Variants in LMTK2 observed in about 807,000 individuals in gnomAD.
LMTK2 encodes serine/threonine-protein kinase LMTK2.
A neutral mutation model predicts 127.5 loss-of-function variants in LMTK2; 37 were observed. The ratio of observed to expected loss-of-function variants is 0.29; its 90% CI spans 0.22 to 0.38. The LOEUF is 0.38. Ranked by LOEUF, LMTK2 falls within the 10% of genes least tolerant of loss-of-function variation. LMTK2 has a pLI of 1.00. For synonymous variants in LMTK2, 819 were observed against 810.1 expected, an observed-to-expected ratio of 1.01 and a Z score of -0.19; for missense variants, 1,694 against 1,920.3, an observed-to-expected ratio of 0.88 and a Z score of 2.20.
chr7:98,149,973 A>C (rs117416745), intron 3 of LMTK2, among the ~76,000 whole-genome samples: 1,851 of 152,302 alleles, frequency 0.012, 17 homozygotes, highest in Admixed American at 0.02. Flanking sequence ...AAAGATTTGC[A>C]TAGATATGTC....
At chr7:98,137,283 A>T in intron 1 of LMTK2, 32 bp from the exon 2 acceptor site, 1 of 1,590,024 alleles carries the variant, frequency 6.3e-7, no homozygotes, top group Non-Finnish European at 8.5e-7. Context: ...TGGAATGTAC[A>T]TGTTTTTAAT....
intron 3 of LMTK2, 114 bp downstream of exon 3, chr7:98,141,655 T>G: frequency 5.0e-6 from 5 of 998,958 alleles, no homozygotes; most frequent in Non-Finnish European, 7.6e-6. Flanking sequence ...TTTATTTCTC[T>G]TCCTTCTGCT....
chr7:98,202,025 C>A (rs922249175), intron 11 of LMTK2, among the ~76,000 whole-genome samples: 1 of 152,112 alleles, frequency 6.6e-6, no homozygotes, highest in South Asian at 2.1e-4. Context: ...CTTTTTCTGC[C>A]CCACGCCCTG....
intron 2 of LMTK2, among the ~76,000 whole-genome samples, chr7:98,138,239 A>G (rs961605177): frequency 3.3e-5 from 5 of 152,208 alleles, no homozygotes; most frequent in Non-Finnish European, 5.9e-5. Context: ...TTGACCGCGC[A>G]GGGCTGGCCC....
chr7:98,124,222 C>G (rs904382629), intron 1 of LMTK2, among the ~76,000 whole-genome samples: 1 of 152,196 alleles, frequency 6.6e-6, no homozygotes, highest in African/African-American at 2.4e-5. Context: ...CATCTGCCAG[C>G]AAGTCCTGGC....
At chr7:98,151,494 G>A in intron 4 of LMTK2, 39 bp downstream of exon 4, 1 of 1,462,070 alleles carries the variant, frequency 6.8e-7, no homozygotes, top group Non-Finnish European at 9.6e-7. Context: ...TCCTCTGAAT[G>A]ATACTGTGTT....
chr7:98,159,338 C>T lies in LMTK2; in HGVS notation c.570C>T (p.Tyr190=), dbSNP rs1796978394. The part of the protein sequence containing the change: ...DTFLKNGEPY[Y]ILQHPNILQC... ...ATATTATGGCTTTTATTTTTCCCAG[C>T]ATTCTTCAGCATCCAAATATTCTTC... Residue 190 remains tyrosine (Y), a splice_region_variant and synonymous_variant, in exon 6 of 14, where the codon TAC becomes TAT. Transcript: ENST00000297293. 2 of 1,594,284 alleles carry T rather than the reference C, an allele frequency of 1.3e-6. No homozygotes were observed. The highest frequency in any genetic ancestry group is 1.7e-6 in the Non-Finnish European group (2 of 1,170,064).
chr7:98,154,840 A>G lies in LMTK2; in HGVS notation c.533A>G (p.Glu178Gly). 1 of 1,613,114 alleles carries G rather than the reference A, an allele frequency of 6.2e-7. No individual in the cohort carries two copies. Among genetic ancestry groups the G allele is most frequent in the Non-Finnish European group, 8.5e-7 (1 of 1,179,056 alleles). Residue 178 changes from glutamate to glycine, a missense_variant, in exon 5 of 14, where the codon GAA becomes GGA. Physicochemically the swap from Glu to Gly is moderately conservative, Grantham distance 98. This residue lies in a region of LMTK2 where 203 missense variants were observed against 226.2 expected (regional missense o/e 0.90). Coordinates refer to ENST00000297293, the MANE Select transcript of LMTK2 (RefSeq NM_014916.4). Reference sequence around the variant, plus strand: ...TTAAAAGCAAGTGCCAACCCAAAGGAACAAGATACTTTTTTGAAAAATGGA... The same window carrying G: ...TTAAAAGCAAGTGCCAACCCAAAGGGACAAGATACTTTTTTGAAAAATGGA... ...KELKASANPK[E>G]QDTFLKNGEP...
At position 98,194,518 on chromosome 7, in the gene LMTK2, G is replaced by T. The variant is rs772841109; in HGVS notation, c.4053G>T (p.Lys1351Asn). The change falls in exon 11 of 14, where the codon AAG (lysine) becomes AAT (asparagine). Residue 1351 changes from lysine to asparagine, a missense_variant. Coordinates refer to ENST00000297293, the MANE Select transcript of LMTK2 (RefSeq NM_014916.4). This position sits in a 1 kb window ranked among gnomAD's most constrained non-coding sequence, Gnocchi z 5.4. ...APDPLPEDWK[K>N]EKKAVTFFDD... ...ACCCACTGCCCGAGGACTGGAAGAAGGAAAAGAAGGCAGTCACGTTTTTCG... is the reference window on the plus strand; with the variant it reads ...ACCCACTGCCCGAGGACTGGAAGAATGAAAAGAAGGCAGTCACGTTTTTCG... 6.2e-7 allele frequency: 1 copy of T among 1,612,450 alleles called. No individual in the cohort carries two copies. The highest frequency in any genetic ancestry group is 1.7e-5 in the Admixed American group (1 of 60,012).
chr7:98,161,822 C>T (rs1412360833), intron 6 of LMTK2, among the ~76,000 whole-genome samples: 2 of 152,002 alleles, frequency 1.3e-5, no homozygotes, highest in African/African-American at 2.4e-5. Flanking sequence ...GTCAGAGGCC[C>T]GCTATTCTGA....
At chr7:98,176,314 C>T (rs1797276561) in intron 7 of LMTK2, among the ~76,000 whole-genome samples, 1 of 152,170 alleles carries the variant, frequency 6.6e-6, no homozygotes, top group African/African-American at 2.4e-5. Flanking sequence ...AAAGATACAA[C>T]TTAAATATCA....
chr7:98,141,383 C>G lies in LMTK2; in HGVS notation c.232-14C>G, dbSNP rs774488125. On this transcript the variant is annotated splice_polypyrimidine_tract_variant and intron_variant, in intron 2 of 13. Coordinates refer to ENST00000297293, the MANE Select transcript of LMTK2 (RefSeq NM_014916.4). ...TAGCCAATGGTTTTTAATGCTTGCT[C>G]TCTTTCATTTTAGGAATTTGAAGAT... 1 of 1,611,614 alleles carries G rather than the reference C, an allele frequency of 6.2e-7. No homozygotes were observed. The highest frequency in any genetic ancestry group is 1.7e-5 in the Admixed American group (1 of 59,972).
chr7:98,168,879 G>A (rs1797144896), intron 6 of LMTK2, among the ~76,000 whole-genome samples: 1 of 152,114 alleles, frequency 6.6e-6, no homozygotes, highest in South Asian at 2.1e-4. Flanking sequence ...TTGGATAAAG[G>A]AATGTTTATT....
intron 7 of LMTK2, among the ~76,000 whole-genome samples, chr7:98,184,605 T>G (rs955353819): frequency 6.6e-6 from 1 of 152,210 alleles, no homozygotes; most frequent in African/African-American, 2.4e-5. Context: ...TGATGTCTTA[T>G]GTCTTCCTAA....
At chr7:98,142,986 C>T (rs1796721023) in intron 3 of LMTK2, among the ~76,000 whole-genome samples, 1 of 152,166 alleles carries the variant, frequency 6.6e-6, no homozygotes, top group Non-Finnish European at 1.5e-5. Context: ...TTTGGAGGGA[C>T]ATTCTGGTTG....
At chr7:98,204,962 C>G (rs1797767104) in intron 13 of LMTK2, among the ~76,000 whole-genome samples, 2 of 152,150 alleles carry the variant, frequency 1.3e-5, no homozygotes, top group South Asian at 2.1e-4. Flanking sequence ...AGTCTTGGTC[C>G]TGGTGTGGCT....
intron 11 of LMTK2, among the ~76,000 whole-genome samples, chr7:98,196,189 G>GAAA (rs1414467101): frequency 1.7e-5 from 2 of 114,344 alleles, no homozygotes; most frequent in African/African-American, 3.2e-5. Flanking sequence ...ACCTGTCTCA[G>GAAA]AAAAAAAAAA....
At chr7:98,115,568 G>A (rs146483493) in intron 1 of LMTK2, among the ~76,000 whole-genome samples, 1 of 152,250 alleles carries the variant, frequency 6.6e-6, no homozygotes, top group African/African-American at 2.4e-5. Flanking sequence ...TCAGCACTTT[G>A]GGAGGCCGAG....
chr7:98,193,860 A>G lies in LMTK2; in HGVS notation c.3395A>G (p.Gln1132Arg), dbSNP rs1278179416. The G allele has an allele frequency of 1.2e-6, 2 of 1,614,068 alleles. No homozygotes were observed. Among genetic ancestry groups the G allele is most frequent in the East Asian group, 4.5e-5 (2 of 44,870 alleles). Residue 1132 changes from glutamine (Q) to arginine (R), a missense_variant, in exon 11 of 14, where the codon CAG (glutamine) becomes CGG (arginine). By Grantham distance (43) the Gln-to-Arg change is conservative. Coordinates refer to ENST00000297293, the MANE Select transcript of LMTK2 (RefSeq NM_014916.4). The surrounding 1 kb of genome is among the most constrained non-coding windows in gnomAD (Gnocchi z 4.1). ...GTSPSALVLVQEQPLPEPVLP... is the reference protein window; with the variant it reads ...GTSPSALVLVREQPLPEPVLP... ...TCCCCATCCGCCTTGGTGTTGGTAC[A>G]GGAGCAGCCCCTACCCGAGCCAGTC...
Sources: allele counts gnomAD v4.1 joint callset (sites outside exome capture counted in the v4.1 genomes callset), GRCh38; gene constraint gnomAD v4.1.1; regional missense constraint gnomAD v4.1.1; non-coding constraint Gnocchi (gnomAD v3.1); transcripts MANE v1.5; gene names NCBI Gene and HGNC (gene_info 2026-07-23, HGNC 2026-07-21).